The following RBFOX1 variants were observed in gnomAD, a reference collection of about 807,000 sequenced individuals.
The protein encoded by RBFOX1 is RNA binding fox-1 homolog 1, also known as RNA binding protein fox-1 homolog 1.
Under a neutral mutation model 57.7 loss-of-function variants are expected in RBFOX1, and 8 were observed. The ratio of observed to expected loss-of-function variants is 0.14; its 90% CI spans 0.08 to 0.25. The LOEUF is 0.25. Among genes scored for constraint, RBFOX1 ranks in the 10% least tolerant of loss-of-function variants. The probability of loss-of-function intolerance (pLI) is 1.00; values close to 1 mark genes in which losing one functional copy is unlikely to be tolerated. For missense variants in RBFOX1, 611 were observed against 548.5 expected, an observed-to-expected ratio of 1.11 and a Z score of -1.14; for synonymous variants, 326 against 222.4, an observed-to-expected ratio of 1.47 and a Z score of -4.15.
intron 3 of RBFOX1, among the ~76,000 whole-genome samples, chr16:6,824,703 A>G (rs953616159): frequency 2.5e-4 from 38 of 152,234 alleles, no homozygotes; most frequent in African/African-American, 8.9e-4. Flanking sequence ...TTTTTCTTGT[A>G]TATACTCTCT....
Position 5,937,771 on chromosome 16 carries a change from A to G in RBFOX1, c.351+70436A>G, listed in dbSNP as rs1227536458. ...AATATGTACAGATACAAATATATGTATATAATGTATATATAAAATATATAC... is the reference window on the plus strand; with the variant it reads ...AATATGTACAGATACAAATATATGTGTATAATGTATATATAAAATATATAC... On this transcript the variant is annotated intron_variant, in intron 4 of 19. Transcript: ENST00000641259. Among the ~76,000 whole-genome samples, 3 of 149,296 alleles carry G rather than the reference A, an allele frequency of 2.0e-5. No individual in the cohort carries two copies. In the East Asian group the frequency reaches 5.8e-4, roughly 29 times the overall value.
At chr16:5,249,826 G>C (rs77559775) in intron 1 of RBFOX1, among the ~76,000 whole-genome samples, 1 of 152,122 alleles carries the variant, frequency 6.6e-6, no homozygotes, top group Non-Finnish European at 1.5e-5. Context: ...GGGCTTGGTG[G>C]TGCCCACCTG....
intron 2 of RBFOX1, among the ~76,000 whole-genome samples, chr16:5,510,788 G>T (rs2043556451): frequency 6.6e-6 from 1 of 152,100 alleles, no homozygotes; most frequent in Non-Finnish European, 1.5e-5. Flanking sequence ...TGGCGGGGCT[G>T]TTCTGAGTAC....
chr16:7,336,336 C>G (rs1232579158), intron 4 of RBFOX1, among the ~76,000 whole-genome samples: 1 of 152,238 alleles, frequency 6.6e-6, no homozygotes, highest in Non-Finnish European at 1.5e-5. Flanking sequence ...ATCTAGGTAT[C>G]TACCTCATAG....
At chr16:7,685,749 G>A (rs2075930016) in intron 14 of RBFOX1, among the ~76,000 whole-genome samples, 1 of 152,028 alleles carries the variant, frequency 6.6e-6, no homozygotes, top group African/African-American at 2.4e-5. Flanking sequence ...CAATCTCTAA[G>A]ACACACTGTA....
chr16:7,112,139 T>C (rs2064907555), intron 4 of RBFOX1, among the ~76,000 whole-genome samples: 1 of 152,174 alleles, frequency 6.6e-6, no homozygotes, highest in Admixed American at 6.5e-5. Flanking sequence ...AATATTAAAG[T>C]TCCTGATGAG....
chr16:5,756,654 G>A (rs558648058), intron 3 of RBFOX1, among the ~76,000 whole-genome samples: 10 of 152,170 alleles, frequency 6.6e-5, no homozygotes, highest in Admixed American at 4.6e-4. Flanking sequence ...TCCAGCCATC[G>A]AATGACTAAT....
intron 4 of RBFOX1, among the ~76,000 whole-genome samples, chr16:7,161,428 C>A (rs1047085436): frequency 1.3e-5 from 2 of 152,088 alleles, no homozygotes; most frequent in Non-Finnish European, 1.5e-5. Flanking sequence ...AACATTTATA[C>A]CTAAGTGTGA....
rs111233405 is a variant in RBFOX1, at chr16:7,268,962, T to G, written c.27+216864T>G. Reference sequence around the variant, plus strand: ...TGAGGCAGGAGAACCGCTTGAACCCTGAAGGCAGAGTTTGCAGTGAGCCGA... The same window carrying G: ...TGAGGCAGGAGAACCGCTTGAACCCGGAAGGCAGAGTTTGCAGTGAGCCGA... On this transcript the variant is annotated intron_variant, in intron 4 of 15. Coordinates refer to ENST00000550418, the MANE Select transcript of RBFOX1 (RefSeq NM_018723.4). Among the ~76,000 whole-genome samples the G allele has an allele frequency of 8.0e-3, 1,142 of 141,890 alleles. 15 individuals are homozygous for G. The highest frequency in any genetic ancestry group is 0.028 in the African/African-American group (1,060 of 37,548). The allele number at this position is 141,890 out of a possible 152,430, so 93.1% of individuals were successfully genotyped here.
At chr16:6,897,867 T>G (rs945198242) in intron 3 of RBFOX1, among the ~76,000 whole-genome samples, 1 of 152,134 alleles carries the variant, frequency 6.6e-6, no homozygotes, top group African/African-American at 2.4e-5. Context: ...CATCCATCTG[T>G]CCCTTCATAC....
chr16:5,752,880 G>A (rs771602806), intron 3 of RBFOX1, among the ~76,000 whole-genome samples: 2 of 152,106 alleles, frequency 1.3e-5, no homozygotes, highest in African/African-American at 4.8e-5. Context: ...CCAGAACATT[G>A]TACAAAAAAA....
chr16:6,872,347 C>T (rs1026144692), intron 3 of RBFOX1, among the ~76,000 whole-genome samples: 2 of 152,112 alleles, frequency 1.3e-5, no homozygotes, highest in African/African-American at 2.4e-5. Flanking sequence ...CTCTCTGTTT[C>T]TCTCTTTTTC....
chr16:6,358,405 C>CTTA (rs1046914938), intron 2 of RBFOX1, among the ~76,000 whole-genome samples: 3 of 152,178 alleles, frequency 2.0e-5, no homozygotes, highest in Admixed American at 6.5e-5. Flanking sequence ...CTTGTCTCAT[C>CTTA]TTAGAAAAAG....
chr16:7,064,592 C>A (rs1023974367), intron 4 of RBFOX1, among the ~76,000 whole-genome samples: 1 of 152,096 alleles, frequency 6.6e-6, no homozygotes, highest in Non-Finnish European at 1.5e-5. Flanking sequence ...AAACCAACCC[C>A]CCTGACACCT....
At chr16:6,344,854 C>T (rs1416652877) in intron 2 of RBFOX1, among the ~76,000 whole-genome samples, 2 of 151,738 alleles carry the variant, frequency 1.3e-5, no homozygotes, top group Admixed American at 6.6e-5. Flanking sequence ...CCATGCTCCA[C>T]TAATTTTTCT....
chr16:6,819,886 A>G (rs915493228), intron 3 of RBFOX1, among the ~76,000 whole-genome samples: 1 of 152,086 alleles, frequency 6.6e-6, no homozygotes, highest in Non-Finnish European at 1.5e-5. Flanking sequence ...GCTTTCCTCA[A>G]GCATACCTTA....
At chr16:6,133,100 T>A (rs948152303) in intron 1 of RBFOX1, among the ~76,000 whole-genome samples, 12 of 152,036 alleles carry the variant, frequency 7.9e-5, no homozygotes, top group Non-Finnish European at 1.5e-4. Flanking sequence ...CATGTCATTT[T>A]AAAAATGTCT....
intron 3 of RBFOX1, among the ~76,000 whole-genome samples, chr16:6,695,921 T>A (rs1294252656): frequency 6.6e-6 from 1 of 152,204 alleles, no homozygotes; most frequent in Non-Finnish European, 1.5e-5. Context: ...GTGAAAATAG[T>A]GGACAACTGA....
chr16:6,009,954 C>T (rs919663347), intron 4 of RBFOX1, among the ~76,000 whole-genome samples: 9 of 152,266 alleles, frequency 5.9e-5, no homozygotes, highest in African/African-American at 2.2e-4. Context: ...CTTACATACA[C>T]TGCAGTTGGA....
Sources: gnomAD v4.1 joint callset for allele counts (sites outside exome capture counted in the v4.1 genomes callset) on GRCh38, gnomAD v4.1.1 for gene constraint, MANE v1.5 for transcripts, NCBI Gene and HGNC (gene_info 2026-07-23, HGNC 2026-07-21) for gene names.